The following GLRA2 variants were observed in gnomAD, a reference collection of about 807,000 sequenced individuals.
The protein encoded by GLRA2 is glycine receptor alpha 2.
In GLRA2, 11 loss-of-function variants were observed where a neutral mutation model predicts 31.6. That is an observed-to-expected ratio of 0.35 (90% CI 0.22 to 0.58). The LOEUF (loss-of-function observed/expected upper bound fraction) is 0.58, where lower values mean the gene tolerates loss of function less well. Among genes scored for constraint, GLRA2 ranks in the 20% least tolerant of loss-of-function variants. The probability of loss-of-function intolerance (pLI) is 0.84; values close to 1 mark genes in which losing one functional copy is unlikely to be tolerated. For missense variants in GLRA2, 212 were observed against 351.8 expected (o/e 0.60, Z 3.18); for synonymous variants, 132 against 134.0 (o/e 0.99, Z 0.10).
chrX:14,502,319 T>C, the GLRA2 span, among the ~76,000 whole-genome samples: 1 of 112,458 alleles, frequency 8.9e-6, no homozygotes, highest in South Asian at 3.7e-4. Flanking sequence ...GCCTGACTCA[T>C]AGTTAGCACT....
chrX:14,613,328 A>G (rs2090420478), intron 7 of GLRA2, among the ~76,000 whole-genome samples: 1 of 111,766 alleles, frequency 8.9e-6, no homozygotes. Context: ...ATGGCTCACT[A>G]TTCACTTATA....
the GLRA2 span, among the ~76,000 whole-genome samples, chrX:14,449,770 CTG>C: frequency 8.9e-6 from 1 of 112,504 alleles, no homozygotes; most frequent in African/African-American, 3.2e-5. Flanking sequence ...GCAGACAAAA[CTG>C]TGGGCCCCAT....
the GLRA2 span, among the ~76,000 whole-genome samples, chrX:14,488,333 C>T: frequency 8.9e-6 from 1 of 112,303 alleles, no homozygotes; most frequent in East Asian, 2.8e-4. Flanking sequence ...CCCATTACCA[C>T]ACCCAAGAGA....
intron 2 of GLRA2, among the ~76,000 whole-genome samples, chrX:14,555,063 C>A (rs2089623608): frequency 8.9e-6 from 1 of 111,937 alleles, no homozygotes; most frequent in Non-Finnish European, 1.9e-5. Flanking sequence ...GGGAATTAGA[C>A]TTTTTACTAG....
intron 7 of GLRA2, among the ~76,000 whole-genome samples, chrX:14,674,681 TATTC>T (rs942359771): frequency 4.5e-5 from 5 of 111,621 alleles, no homozygotes; most frequent in African/African-American, 1.6e-4. Context: ...GCTTCAAAAA[TATTC>T]ATTATTTTTC....
Position 14,680,238 on chromosome X carries a change from T to G in GLRA2, c.931-10472T>G, listed in dbSNP as rs184426912. Among the ~76,000 whole-genome samples, 6 of 112,217 alleles carry G rather than the reference T, an allele frequency of 5.3e-5. No individual in the cohort carries two copies. The Admixed American group carries it at 5.7e-4, about 11-fold the overall frequency. ...ATGAGTGGGGTCCCCTGAAATATAA[T>G]CTGGGAAGTCCTGGGGAGAATTAAT... On this transcript the variant is annotated intron_variant, in intron 7 of 8. Coordinates refer to ENST00000218075, the MANE Select transcript of GLRA2 (RefSeq NM_002063.4).
At chrX:14,656,877 C>A (rs61301538) in intron 7 of GLRA2, among the ~76,000 whole-genome samples, 1 of 111,655 alleles carries the variant, frequency 9.0e-6, no homozygotes, top group African/African-American at 3.3e-5. Context: ...AGTGTTGGAG[C>A]GTGGTAAATT....
At chrX:14,460,596 T>C in the GLRA2 span, among the ~76,000 whole-genome samples, 1 of 112,060 alleles carries the variant, frequency 8.9e-6, no homozygotes, top group South Asian at 3.7e-4. Context: ...GGAGGGTGTA[T>C]GTGCCCAGGA....
chrX:14,680,915 C>A (rs755584613), intron 7 of GLRA2, among the ~76,000 whole-genome samples: 2 of 112,161 alleles, frequency 1.8e-5, no homozygotes, highest in South Asian at 7.4e-4. Flanking sequence ...GTCAGCTCTA[C>A]TGGACTTAGC....
chrX:14,572,180 G>T (rs1039070014), intron 2 of GLRA2, among the ~76,000 whole-genome samples: 3 of 112,139 alleles, frequency 2.7e-5, no homozygotes, highest in Non-Finnish European at 5.6e-5. Flanking sequence ...AGATAAAAAC[G>T]AATATATAAT....
chrX:14,493,182 G>C, the GLRA2 span, among the ~76,000 whole-genome samples: 1 of 110,233 alleles, frequency 9.1e-6, no homozygotes, highest in Admixed American at 9.7e-5. Context: ...ACACAAAACT[G>C]TACATGAATT....
chrX:14,615,835 A>G (rs1386705966), intron 7 of GLRA2, among the ~76,000 whole-genome samples: 1 of 111,879 alleles, frequency 8.9e-6, no homozygotes, highest in Non-Finnish European at 1.9e-5. Flanking sequence ...TTAATTTCCT[A>G]TCTTCCTGCC....
Position 14,622,083 on chromosome X carries a change from C to G in GLRA2, c.930+12878C>G, listed in dbSNP as rs1460980782. On this transcript the variant is annotated intron_variant, in intron 7 of 8. Coordinates refer to ENST00000218075, the MANE Select transcript of GLRA2 (RefSeq NM_002063.4). The stretch of plus-strand genomic sequence containing the variant: ...CTGGTGTGAGATGTATCTCATTGTG[C>G]TTTTGATTTGCATTTCTCTGATGGC... 2.1e-4 allele frequency among the ~76,000 whole-genome samples: 23 copies of G among 112,019 alleles called. No individual in the cohort carries two copies. The Admixed American group carries it at 2.1e-3, about 10-fold the overall frequency.
the GLRA2 span, among the ~76,000 whole-genome samples, chrX:14,475,695 C>T: frequency 4.7e-3 from 525 of 111,356 alleles, 7 homozygotes; most frequent in African/African-American, 0.016. Context: ...ATCACGCACA[C>T]AGACACACAC....
At chrX:14,542,074 T>C (rs1298988974) in intron 2 of GLRA2, among the ~76,000 whole-genome samples, 1 of 111,437 alleles carries the variant, frequency 9.0e-6, no homozygotes, top group Non-Finnish European at 1.9e-5. Flanking sequence ...TCTATAAATT[T>C]GGAAAAGGAA....
intron 3 of GLRA2, among the ~76,000 whole-genome samples, chrX:14,580,366 T>G (rs1362181426): frequency 8.9e-6 from 1 of 112,307 alleles, no homozygotes; most frequent in African/African-American, 3.2e-5. Flanking sequence ...TGTTGAAGCC[T>G]CAATCGGAGT....
chrX:14,722,531 G>A (rs193253748), intron 8 of GLRA2, among the ~76,000 whole-genome samples: 87 of 111,463 alleles, frequency 7.8e-4, no homozygotes, highest in African/African-American at 2.8e-3. Context: ...AAGTGGAGGG[G>A]ATACAGACCC....
intron 4 of GLRA2, among the ~76,000 whole-genome samples, chrX:14,602,567 T>C (rs2090288755): frequency 9.0e-6 from 1 of 110,911 alleles, no homozygotes; most frequent in South Asian, 3.8e-4. Context: ...TAATCTTTTA[T>C]CCCTCACCTC....
rs1310161852 is a variant in GLRA2, at chrX:14,731,080, T to C, written c.*595T>C. 8.9e-6 allele frequency: 1 copy of C among 112,409 alleles called. No individual in the cohort carries two copies. The highest frequency in any genetic ancestry group is 2.8e-4 in the East Asian group (1 of 3,587). 9.3% of individuals were successfully genotyped at this position (112,409 alleles called of 1,213,427 possible). ...TAAGCTATGTTCTTTACAATGTCTG[T>C]AATTAGTGTTTCACTTGAGAAAGCC... is the stretch of plus-strand genomic sequence containing the variant. On this transcript the variant is annotated 3_prime_UTR_variant, in exon 9 of 9. Coordinates refer to ENST00000218075, the MANE Select transcript of GLRA2 (RefSeq NM_002063.4).
Sources: gnomAD v4.1 joint callset for allele counts (sites outside exome capture counted in the v4.1 genomes callset) on GRCh38, gnomAD v4.1.1 for gene constraint, MANE v1.5 for transcripts, NCBI Gene and HGNC (gene_info 2026-07-23, HGNC 2026-07-21) for gene names.